Variants in NAA11 observed in about 807,000 individuals in gnomAD.
The protein encoded by NAA11 is N-alpha-acetyltransferase 11.
In NAA11, 15 loss-of-function variants were observed where a neutral mutation model predicts 16.1. The ratio of observed to expected loss-of-function variants is 0.93; its 90% CI spans 0.62 to 1.44. The LOEUF is 1.44. NAA11 is among the 40% of genes most tolerant of loss of function. The pLI, the probability that NAA11 is intolerant of heterozygous loss-of-function variation, is 0.00. For synonymous variants in NAA11, 122 were observed against 112.4 expected (o/e 1.09, Z -0.54); for missense variants, 298 against 291.3 (o/e 1.02, Z -0.17).
At chr4:79,164,157 G>A in the NAA11 span, among the ~76,000 whole-genome samples, 1 of 152,010 alleles carries the variant, frequency 6.6e-6, no homozygotes, top group Admixed American at 6.6e-5. Context: ...ACTCATCTTG[G>A]TTTTTCATGT....
chr4:79,283,714 A>C (rs1381026345), intron 2 of NAA11, among the ~76,000 whole-genome samples: 2 of 152,148 alleles, frequency 1.3e-5, no homozygotes, highest in Non-Finnish European at 2.9e-5. Flanking sequence ...CTGTGATAAA[A>C]TGTGGTCTCA....
intron 2 of NAA11, among the ~76,000 whole-genome samples, chr4:79,286,276 A>G (rs1722904378): frequency 6.6e-6 from 1 of 152,114 alleles, no homozygotes; most frequent in South Asian, 2.1e-4. Context: ...CTGTACCAGT[A>G]TACAAATTGT....
intron 1 of NAA11, among the ~76,000 whole-genome samples, chr4:79,306,415 C>T (rs1395753443): frequency 6.6e-6 from 1 of 152,154 alleles, no homozygotes; most frequent in Non-Finnish European, 1.5e-5. Flanking sequence ...AGTCTTTCCT[C>T]TCTAGGTGTC....
the NAA11 span, among the ~76,000 whole-genome samples, chr4:79,205,192 G>C: frequency 6.6e-6 from 1 of 151,984 alleles, no homozygotes; most frequent in Non-Finnish European, 1.5e-5. Flanking sequence ...CCAGTAGTGG[G>C]ATTGCTGGAT....
At chr4:79,188,677 G>A in the NAA11 span, among the ~76,000 whole-genome samples, 2 of 152,002 alleles carry the variant, frequency 1.3e-5, no homozygotes, top group African/African-American at 4.8e-5. Context: ...AGATATAAAT[G>A]TGATGAAAAC....
intron 1 of NAA11, among the ~76,000 whole-genome samples, chr4:79,302,507 A>C (rs899813363): frequency 7.9e-5 from 12 of 152,192 alleles, no homozygotes; most frequent in Non-Finnish European, 1.8e-4. Flanking sequence ...AAAGACACCC[A>C]AATCCTTCAT....
chr4:79,220,672 A>T, the NAA11 span, among the ~76,000 whole-genome samples: 2 of 152,118 alleles, frequency 1.3e-5, no homozygotes, highest in South Asian at 4.1e-4. Context: ...CCAATATTGT[A>T]TCTAAATCAA....
the NAA11 span, among the ~76,000 whole-genome samples, chr4:79,180,999 A>G: frequency 6.6e-6 from 1 of 151,946 alleles, no homozygotes; most frequent in African/African-American, 2.4e-5. Context: ...CAAACACCGC[A>G]TGTTCTCACT....
chr4:79,217,101 G>A, the NAA11 span, among the ~76,000 whole-genome samples: 10 of 152,240 alleles, frequency 6.6e-5, no homozygotes, highest in Middle Eastern at 3.4e-3. Context: ...CTCTTCATTG[G>A]GTTTGCTCAT....
the NAA11 span, among the ~76,000 whole-genome samples, chr4:79,210,700 G>C: frequency 6.6e-6 from 1 of 152,046 alleles, no homozygotes; most frequent in Non-Finnish European, 1.5e-5. Flanking sequence ...AATATACCCT[G>C]GGTTAGCGGC....
At chr4:79,158,939 AG>A in the NAA11 span, among the ~76,000 whole-genome samples, 1 of 152,204 alleles carries the variant, frequency 6.6e-6, no homozygotes, top group East Asian at 1.9e-4. Context: ...AGTCAACTCA[AG>A]ATGGACAAAG....
intron 2 of NAA11, among the ~76,000 whole-genome samples, chr4:79,265,080 C>A (rs1198466422): frequency 6.6e-6 from 1 of 152,198 alleles, no homozygotes; most frequent in Admixed American, 6.5e-5. Flanking sequence ...CAATAAATGG[C>A]AATCCCATCC....
At chr4:79,167,236 TAC>T in the NAA11 span, among the ~76,000 whole-genome samples, 57 of 118,888 alleles carry the variant, frequency 4.8e-4, no homozygotes, top group African/African-American at 1.8e-3. Flanking sequence ...TATGTATGTA[TAC>T]ACACACACAC....
chr4:79,304,763 G>A (rs11729417), intron 1 of NAA11, among the ~76,000 whole-genome samples: 63,068 of 151,728 alleles, frequency 0.42, 14,355 homozygotes, highest in East Asian at 0.77. Flanking sequence ...TTGAATCTAG[G>A]TAATGACGGT....
the NAA11 span, among the ~76,000 whole-genome samples, chr4:79,161,586 A>T: frequency 6.6e-6 from 1 of 152,138 alleles, no homozygotes; most frequent in Admixed American, 6.5e-5. Flanking sequence ...TTGGGATTGC[A>T]TTGAATCTGT....
downstream of NAA11, among the ~76,000 whole-genome samples, chr4:79,316,331 T>C (rs146223996): frequency 2.7e-3 from 416 of 152,322 alleles, no homozygotes; most frequent in Admixed American, 7.5e-3. Context: ...GATGGAAAGA[T>C]AGATTTTATC....
the NAA11 span, among the ~76,000 whole-genome samples, chr4:79,156,736 A>G: frequency 1.3e-5 from 2 of 152,236 alleles, no homozygotes; most frequent in Admixed American, 6.5e-5. Flanking sequence ...ACTATCGTAC[A>G]TCTGTTAGAT....
At chr4:79,223,105 G>T (rs1247677927), downstream of NAA11, among the ~76,000 whole-genome samples, 1 of 150,070 alleles carries the variant, frequency 6.7e-6, no homozygotes, top group Non-Finnish European at 1.5e-5. Flanking sequence ...CAGGGATCTA[G>T]AACTGGAAAT....
intron 2 of NAA11, among the ~76,000 whole-genome samples, chr4:79,268,662 T>C (rs1343425655): frequency 6.6e-6 from 1 of 152,002 alleles, no homozygotes; most frequent in Non-Finnish European, 1.5e-5. Context: ...CCTTTCTTCC[T>C]CTAAATTGAA....
Sources: allele counts gnomAD v4.1 joint callset (sites outside exome capture counted in the v4.1 genomes callset), GRCh38; gene constraint gnomAD v4.1.1; transcripts MANE v1.5; gene names NCBI Gene and HGNC (gene_info 2026-07-23, HGNC 2026-07-21).